Variants in ARRB1 observed in about 807,000 individuals in gnomAD.
The protein encoded by ARRB1 is arrestin beta 1.
ARRB1 carries 21 observed loss-of-function variants against 56.8 expected under a neutral mutation model. The observed-to-expected ratio is 0.37, with a 90% CI of 0.26 to 0.53. The LOEUF (loss-of-function observed/expected upper bound fraction) is 0.53, where lower values mean the gene tolerates loss of function less well. Among genes scored for constraint, ARRB1 ranks in the 20% least tolerant of loss-of-function variants. ARRB1 has a pLI of 0.88. For missense variants in ARRB1, 424 were observed against 553.7 expected (o/e 0.77, Z 2.35); for synonymous variants, 210 against 218.6 (o/e 0.96, Z 0.35).
At position 75,278,257 on chromosome 11, in the gene ARRB1, C is replaced by T. The variant is rs368444478; in HGVS notation, c.618+352G>A. 7.9e-5 allele frequency among the ~76,000 whole-genome samples: 12 copies of T among 152,240 alleles called. 1 individual carries two copies. In the East Asian group the frequency reaches 1.6e-3, roughly 20 times the overall value. ...CGCTCAGTGTTTGGCAGGAAGGTCACGGCCCCCCACCGTGCCCCCTCTGCA... is the reference window on the plus strand; with the variant it reads ...CGCTCAGTGTTTGGCAGGAAGGTCATGGCCCCCCACCGTGCCCCCTCTGCA... On this transcript the variant is annotated intron_variant, in intron 8 of 15. Coordinates refer to ENST00000420843, the MANE Select transcript of ARRB1 (RefSeq NM_004041.5).
chr11:75,320,916 G>A (rs1947340249), intron 1 of ARRB1, among the ~76,000 whole-genome samples: 2 of 152,122 alleles, frequency 1.3e-5, no homozygotes, highest in South Asian at 4.1e-4. Flanking sequence ...TGGGACAGGA[G>A]GCTGGGATGA....
At position 75,261,218 on chromosome 11, in the gene ARRB1, G is replaced by A; in HGVS notation, c.*4945C>T. Reference sequence around the variant, plus strand: ...TGTGTGTGTGTGTGTGTGTGTGTGTGTGTATAAATGCTTGTGCCTGGGTCT... The same window carrying A: ...TGTGTGTGTGTGTGTGTGTGTGTGTATGTATAAATGCTTGTGCCTGGGTCT... On this transcript the variant is annotated 3_prime_UTR_variant, in exon 16 of 16. Coordinates refer to ENST00000420843, the MANE Select transcript of ARRB1 (RefSeq NM_004041.5). 1 of 145,912 alleles carries A rather than the reference G, an allele frequency of 6.9e-6. No individual in the cohort carries two copies. Among genetic ancestry groups the A allele is most frequent in the Non-Finnish European group, 1.5e-5 (1 of 66,348 alleles). The allele number at this position is 145,912 out of a possible 1,614,324, so 9.0% of individuals were successfully genotyped here. A position where few individuals can be genotyped will look rare whatever the true frequency, so the allele number is the denominator to read the frequency against.
At chr11:75,329,633 A>G (rs1015245314) in intron 1 of ARRB1, among the ~76,000 whole-genome samples, 3 of 152,124 alleles carry the variant, frequency 2.0e-5, no homozygotes, top group Admixed American at 6.6e-5. Context: ...TCTGCCACAC[A>G]TTAGCCTGTT....
chr11:75,280,764 A>C (rs1239503587), intron 7 of ARRB1, among the ~76,000 whole-genome samples: 2 of 152,256 alleles, frequency 1.3e-5, no homozygotes, highest in Non-Finnish European at 2.9e-5. Context: ...ATCTGAATTT[A>C]GGGTTTTTCC....
At chr11:75,320,061 G>A (rs1335990723) in intron 1 of ARRB1, among the ~76,000 whole-genome samples, 4 of 152,182 alleles carry the variant, frequency 2.6e-5, no homozygotes, top group Non-Finnish European at 5.9e-5. Flanking sequence ...CAGAGCAGGA[G>A]GCAGCCCTGG....
At chr11:75,331,036 T>C (rs1049767343) in intron 1 of ARRB1, among the ~76,000 whole-genome samples, 1 of 152,264 alleles carries the variant, frequency 6.6e-6, no homozygotes, top group African/African-American at 2.4e-5. Flanking sequence ...CTGATTTTTA[T>C]TTTTTGAGGC....
intron 15 of ARRB1, among the ~76,000 whole-genome samples, chr11:75,266,825 A>G (rs1203575140): frequency 6.6e-6 from 1 of 152,160 alleles, no homozygotes. Context: ...CTCAGATTCT[A>G]CCTTGGGGGA....
At chr11:75,296,185 CAAAAAAAAAAA>C (rs11428462) in intron 1 of ARRB1, among the ~76,000 whole-genome samples, 2 of 84,886 alleles carry the variant, frequency 2.4e-5, no homozygotes, top group African/African-American at 4.9e-5. Flanking sequence ...GACTTTGTCT[CAAAAAAAAAAA>C]AAAAAAAAAA....
rs115451430 is a variant in ARRB1 at position 75,298,088 on chromosome 11, T to A, written c.21-8049A>T. Among the ~76,000 whole-genome samples the A allele has an allele frequency of 6.0e-3, 828 of 139,114 alleles. 11 individuals are homozygous for A. The highest frequency in any genetic ancestry group is 0.021 in the African/African-American group (784 of 36,582). The allele number at this position is 139,114 out of a possible 152,430, so 91.3% of individuals were successfully genotyped here. On this transcript the variant is annotated intron_variant, in intron 1 of 15. Transcript: ENST00000420843. The stretch of plus-strand genomic sequence containing the variant: ...CAAAAGTCACTGTCAAGAAAGAGAA[T>A]ATTGGGGGGTGGGGGCTGGGGGAGG...
intron 1 of ARRB1, among the ~76,000 whole-genome samples, chr11:75,307,785 T>G (rs918681271): frequency 2.0e-5 from 3 of 151,746 alleles, no homozygotes; most frequent in Middle Eastern, 3.2e-3. Context: ...CCATGCCATA[T>G]TTATGTCAGC....
Position 75,269,333 on chromosome 11 carries a change from G to A in ARRB1, c.1023-374C>T, listed in dbSNP as rs547447801. Reference sequence around the variant, plus strand: ...ACCTCAAATCGCCACAGCCACCCTCGCCTCCCCTGACACTGCCCTTCCCAA... The same window carrying A: ...ACCTCAAATCGCCACAGCCACCCTCACCTCCCCTGACACTGCCCTTCCCAA... On this transcript the variant is annotated intron_variant, in intron 13 of 15. Coordinates refer to ENST00000420843, the MANE Select transcript of ARRB1 (RefSeq NM_004041.5). 1.5e-4 allele frequency: 58 copies of A among 399,480 alleles called. 1 individual carries two copies. In the East Asian group the frequency reaches 3.1e-3, roughly 21 times the overall value. 24.7% of individuals were successfully genotyped at this position (399,480 alleles called of 1,614,324 possible).
intron 1 of ARRB1, among the ~76,000 whole-genome samples, chr11:75,313,173 T>C (rs1947198445): frequency 6.6e-6 from 1 of 152,118 alleles, no homozygotes; most frequent in African/African-American, 2.4e-5. Context: ...GCCAACATGG[T>C]GAAACCCTGT....
At chr11:75,282,772 A>G (rs1946379558) in intron 5 of ARRB1, among the ~76,000 whole-genome samples, 1 of 152,144 alleles carries the variant, frequency 6.6e-6, no homozygotes, top group East Asian at 1.9e-4. Flanking sequence ...GACCCTCTCC[A>G]CTCTCTCAGC....
At chr11:75,339,190 C>G (rs2134988790) in intron 1 of ARRB1, among the ~76,000 whole-genome samples, 1 of 152,326 alleles carries the variant, frequency 6.6e-6, no homozygotes, top group South Asian at 2.1e-4. Flanking sequence ...CCATGGGCTC[C>G]TCTGGGAAGA....
chr11:75,326,717 T>C (rs1265664912), intron 1 of ARRB1, among the ~76,000 whole-genome samples: 4 of 142,352 alleles, frequency 2.8e-5, no homozygotes, highest in African/African-American at 8.2e-5. Context: ...CTTTTTAAAA[T>C]TACTGTCTTT....
At position 75,269,095 on chromosome 11, in the gene ARRB1, C is replaced by A. The variant is rs369579374; in HGVS notation, c.1023-136G>T. ...GGTAGATCCAAAAGATGCCCTCCAG[C>A]CCCAGTTCTGCCACTCGGAGCCTCG... On this transcript the variant is annotated intron_variant, in intron 13 of 15. Coordinates refer to ENST00000420843, the MANE Select transcript of ARRB1 (RefSeq NM_004041.5). The A allele has an allele frequency of 5.5e-4, 512 of 930,114 alleles. 2 individuals carry two copies. In the African/African-American group the frequency reaches 7.4e-3, roughly 13 times the overall value. The allele number at this position is 930,114 out of a possible 1,614,324, so 57.6% of individuals were successfully genotyped here. A position where few individuals can be genotyped will look rare whatever the true frequency, so the allele number is the denominator to read the frequency against.
At chr11:75,281,028 T>A (rs1255091651) in intron 7 of ARRB1, 47 bp downstream of exon 7, 2 of 1,567,836 alleles carry the variant, frequency 1.3e-6, no homozygotes, top group Admixed American at 3.7e-5. Flanking sequence ...CCATCCTGTC[T>A]CCCTCCCTCA....
chr11:75,279,774 T>C (rs1181605723), intron 7 of ARRB1, among the ~76,000 whole-genome samples: 3 of 152,168 alleles, frequency 2.0e-5, no homozygotes, highest in African/African-American at 7.2e-5. Flanking sequence ...TTCAAGCAAT[T>C]CTCCTGCCTC....
chr11:75,315,438 C>T (rs573098576), intron 1 of ARRB1, among the ~76,000 whole-genome samples: 44 of 152,200 alleles, frequency 2.9e-4, no homozygotes, highest in African/African-American at 1.0e-3. Flanking sequence ...ACAGAAACTG[C>T]GTGGGTAACA....
Sources: gnomAD v4.1 joint callset for allele counts (sites outside exome capture counted in the v4.1 genomes callset) on GRCh38, gnomAD v4.1.1 for gene constraint, MANE v1.5 for transcripts, NCBI Gene and HGNC (gene_info 2026-07-23, HGNC 2026-07-21) for gene names.